HS6ST2: variants seen among roughly 807,000 people sequenced by gnomAD.
HS6ST2 encodes the protein heparan sulfate 6-O-sulfotransferase 2, also known as heparan-sulfate 6-O-sulfotransferase 2.
Under a neutral mutation model 33.0 loss-of-function variants are expected in HS6ST2, and 17 were observed. That is an observed-to-expected ratio of 0.52 (90% CI 0.35 to 0.77). HS6ST2 has a LOEUF of 0.77. Among genes scored for constraint, HS6ST2 ranks in the 30% least tolerant of loss-of-function variants. The pLI is 0.01. For synonymous variants in HS6ST2, 248 were observed against 237.1 expected, an observed-to-expected ratio of 1.05 and a Z score of -0.42; for missense variants, 519 against 551.7, an observed-to-expected ratio of 0.94 and a Z score of 0.59.
At chrX:132,786,187 T>C (rs1298495509) in intron 2 of HS6ST2, among the ~76,000 whole-genome samples, 2 of 112,038 alleles carry the variant, frequency 1.8e-5, no homozygotes, top group African/African-American at 6.5e-5. Flanking sequence ...CAGTACTTTG[T>C]AGCTATAAAA....
Position 132,757,733 on chromosome X carries a change from T to C in HS6ST2, c.948-49239A>G, listed in dbSNP as rs746718991. Among the ~76,000 whole-genome samples, 23 of 112,051 alleles carry C rather than the reference T, an allele frequency of 2.1e-4. No individual in the cohort carries two copies. The East Asian group carries it at 5.9e-3, about 29-fold the overall frequency. On this transcript the variant is annotated intron_variant, in intron 2 of 4. Coordinates refer to ENST00000370833, the MANE Select transcript of HS6ST2 (RefSeq NM_001394073.1). ...TGTTTTGTGACACTTCTAAAAGTCT[T>C]TTTAGACAAACACAGGCCAGGGGCC...
chrX:132,631,535 A>G (rs2148596187), intron 4 of HS6ST2, among the ~76,000 whole-genome samples: 1 of 110,504 alleles, frequency 9.0e-6, no homozygotes, highest in East Asian at 2.9e-4. Context: ...TCATCCATTC[A>G]GTGCATACTT....
At chrX:132,884,424 G>A (rs1282925340) in intron 2 of HS6ST2, among the ~76,000 whole-genome samples, 1 of 111,551 alleles carries the variant, frequency 9.0e-6, no homozygotes, top group African/African-American at 3.3e-5. Flanking sequence ...CCAATGCTAG[G>A]CTGCTCTGGG....
At chrX:132,918,564 C>T (rs1300965592) in intron 2 of HS6ST2, among the ~76,000 whole-genome samples, 1 of 111,865 alleles carries the variant, frequency 8.9e-6, no homozygotes, top group African/African-American at 3.2e-5. Flanking sequence ...GTATTTTCCC[C>T]TACCCCTTCA....
chrX:132,718,955 A>G (rs2064302931), intron 2 of HS6ST2, among the ~76,000 whole-genome samples: 1 of 111,169 alleles, frequency 9.0e-6, no homozygotes, highest in African/African-American at 3.3e-5. Context: ...AGGAAAATGC[A>G]ATCAAATTAC....
chrX:132,741,450 T>G (rs1438216127), intron 2 of HS6ST2, among the ~76,000 whole-genome samples: 1 of 67,527 alleles, frequency 1.5e-5, no homozygotes, highest in African/African-American at 6.8e-5. Flanking sequence ...CCTGGCTAAC[T>G]TGTGTATTTT....
In HS6ST2 at chrX:132,890,114, A is replaced by G. The variant is rs1055137243; in HGVS notation, c.947+66694T>C. Among the ~76,000 whole-genome samples the G allele has an allele frequency of 4.5e-5, 5 of 111,697 alleles. 1 individual carries two copies. Among genetic ancestry groups the G allele is most frequent in the Non-Finnish European group, 9.4e-5 (5 of 53,180 alleles). On this transcript the variant is annotated intron_variant, in intron 2 of 4. Coordinates refer to ENST00000370833, the MANE Select transcript of HS6ST2 (RefSeq NM_001394073.1). The stretch of plus-strand genomic sequence containing the variant: ...TAACAACAGTTAGCATTTAGTGAGT[A>G]CTTGCTATGTGCCAGTCATTTGGCT...
chrX:132,898,536 AT>A (rs952608495), intron 2 of HS6ST2, among the ~76,000 whole-genome samples: 1 of 109,235 alleles, frequency 9.2e-6, no homozygotes, highest in Non-Finnish European at 1.9e-5. Flanking sequence ...AAGCAATCAG[AT>A]TAAACAACTA....
chrX:132,885,400 C>G (rs1208441899), intron 2 of HS6ST2, among the ~76,000 whole-genome samples: 2 of 110,972 alleles, frequency 1.8e-5, no homozygotes, highest in Non-Finnish European at 3.8e-5. Flanking sequence ...TAAATTATAT[C>G]TCAATAAAAA....
chrX:132,787,194 TATATACAC>T (rs1233671254), intron 2 of HS6ST2, among the ~76,000 whole-genome samples: 30 of 83,319 alleles, frequency 3.6e-4, no homozygotes, highest in Admixed American at 1.5e-3. Context: ...TATACATATA[TATATACAC>T]ATATATATAT....
At chrX:132,871,511 C>G (rs967555174) in intron 2 of HS6ST2, among the ~76,000 whole-genome samples, 1 of 111,611 alleles carries the variant, frequency 9.0e-6, no homozygotes, top group Non-Finnish European at 1.9e-5. Flanking sequence ...TTCACAATAG[C>G]AAAGTTTTGG....
In HS6ST2 at chrX:132,884,556, C is replaced by T. The variant is rs781070715; in HGVS notation, c.947+72252G>A. Among the ~76,000 whole-genome samples the T allele has an allele frequency of 3.6e-5, 4 of 111,890 alleles. No homozygotes were observed. In the South Asian group the frequency reaches 1.5e-3, roughly 42 times the overall value. ...AAGTGCCATCACAAAGTACAAAGTG[C>T]TATAGAGAAAAGAGTAACTGTGTCT... On this transcript the variant is annotated intron_variant, in intron 2 of 4. Coordinates refer to ENST00000370833, the MANE Select transcript of HS6ST2 (RefSeq NM_001394073.1).
intron 2 of HS6ST2, among the ~76,000 whole-genome samples, chrX:132,727,792 C>A (rs949724080): frequency 9.0e-6 from 1 of 111,419 alleles, no homozygotes; most frequent in African/African-American, 3.3e-5. Context: ...TAGTCACTCT[C>A]CCTTCCACCC....
At chrX:132,871,258 T>G (rs1428302187) in intron 2 of HS6ST2, among the ~76,000 whole-genome samples, 1 of 112,106 alleles carries the variant, frequency 8.9e-6, no homozygotes, top group African/African-American at 3.2e-5. Flanking sequence ...TGGTGATCAT[T>G]AAAACGTCAG....
At chrX:132,790,032 A>G (rs1163217761) in intron 2 of HS6ST2, among the ~76,000 whole-genome samples, 1 of 112,740 alleles carries the variant, frequency 8.9e-6, no homozygotes, top group Non-Finnish European at 1.9e-5. Flanking sequence ...TAGTTGATAA[A>G]GCAACAGCAG....
intron 2 of HS6ST2, among the ~76,000 whole-genome samples, chrX:132,869,863 A>G (rs911468959): frequency 9.0e-6 from 1 of 111,656 alleles, no homozygotes; most frequent in African/African-American, 3.2e-5. Flanking sequence ...GCACAAGACA[A>G]GGATGCCCTC....
At position 132,653,342 on chromosome X, in the gene HS6ST2, A is replaced by T. The variant is rs191801079; in HGVS notation, c.1067+15771T>A. Among the ~76,000 whole-genome samples the T allele has an allele frequency of 2.7e-5, 3 of 112,510 alleles. No homozygotes were observed. The East Asian group carries it at 8.4e-4, about 31-fold the overall frequency. On this transcript the variant is annotated intron_variant, in intron 4 of 4. Coordinates refer to ENST00000370833, the MANE Select transcript of HS6ST2 (RefSeq NM_001394073.1). ...GTCCATTTCTTTTCAATGTGTTCTT[A>T]ATAGACCATTATAAACACTATCTTG...
Position 132,957,164 on chromosome X carries a change from C to T in HS6ST2, c.591G>A (p.Glu197=). 1 of 1,211,953 alleles carries T rather than the reference C, an allele frequency of 8.3e-7. No individual in the cohort carries two copies. The highest frequency in any genetic ancestry group is 1.1e-6 in the Non-Finnish European group (1 of 895,495). ...GCACGAACCTGGCGGAGCTCTCATC[C>T]TCCGAGCGGTACGGGTCCGGCACCG... is the stretch of plus-strand genomic sequence containing the variant. ...SSPVPDPYRS[E]DESSARFVPR... The change falls in exon 2 of 5, where the codon GAG becomes GAA. Residue 197 remains glutamate, a synonymous_variant. Transcript: ENST00000370833.
At chrX:132,720,981 T>C (rs1407200693) in intron 2 of HS6ST2, among the ~76,000 whole-genome samples, 7 of 111,513 alleles carry the variant, frequency 6.3e-5, no homozygotes, top group Non-Finnish European at 1.3e-4. Flanking sequence ...ACGATAATAA[T>C]CAGAGATTCC....
Sources: allele counts gnomAD v4.1 joint callset (sites outside exome capture counted in the v4.1 genomes callset), GRCh38; gene constraint gnomAD v4.1.1; transcripts MANE v1.5; gene names NCBI Gene and HGNC (gene_info 2026-07-23, HGNC 2026-07-21).